The following IDO1 variants were observed in gnomAD, a reference collection of about 807,000 sequenced individuals.
IDO1 encodes indoleamine 2,3-dioxygenase 1.
A neutral mutation model predicts 38.8 loss-of-function variants in IDO1; 35 were observed. The observed-to-expected ratio is 0.90, with a 90% CI of 0.69 to 1.20. The LOEUF is 1.20. Ranked by LOEUF, IDO1 falls within the 50% of genes most tolerant of loss-of-function variation. The pLI is 0.00. For missense variants in IDO1, 509 were observed against 485.1 expected (o/e 1.05, Z -0.46); for synonymous variants, 171 against 170.0 (o/e 1.01, Z -0.05).
At position 39,918,102 on chromosome 8, in the gene IDO1, C is replaced by T; in HGVS notation, c.198C>T (p.Ser66=). ...RERVEKLNML[S]IDHLTDHKSQ... ...TTTGTTTTCAGTTAAACATGCTCAGCATTGATCATCTCACAGACCACAAGT... is the reference window on the plus strand; with the variant it reads ...TTTGTTTTCAGTTAAACATGCTCAGTATTGATCATCTCACAGACCACAAGT... Residue 66 remains serine (S), a synonymous_variant, in exon 3 of 10, where the codon AGC becomes AGT. Transcript: ENST00000518237. 4.3e-6 allele frequency: 7 copies of T among 1,613,974 alleles called. No homozygotes were observed. Among genetic ancestry groups the T allele is most frequent in the Non-Finnish European group, 5.9e-6 (7 of 1,179,872 alleles).
intron 9 of IDO1, among the ~76,000 whole-genome samples, chr8:39,925,870 C>T (rs1284398919): frequency 6.6e-6 from 1 of 151,372 alleles, no homozygotes; most frequent in East Asian, 1.9e-4. Flanking sequence ...GGCAAAAGAG[C>T]AAAACTCCAT....
chr8:39,922,300 C>A (rs1807285338), intron 5 of IDO1, among the ~76,000 whole-genome samples: 1 of 152,180 alleles, frequency 6.6e-6, no homozygotes, highest in Non-Finnish European at 1.5e-5. Flanking sequence ...AACTACCATG[C>A]CCGGCCCTAG....
intron 4 of IDO1, 90 bp downstream of exon 4, chr8:39,919,023 G>T (rs4613984): frequency 2.4e-6 from 2 of 832,384 alleles, no homozygotes; most frequent in South Asian, 2.7e-5. Flanking sequence ...TTTGGGCAGC[G>T]CAGCTTTCCT....
intron 8 of IDO1, 144 bp downstream of exon 8, chr8:39,924,916 C>T: frequency 1.4e-6 from 1 of 717,044 alleles, no homozygotes; most frequent in Non-Finnish European, 2.5e-6. Flanking sequence ...CTAGACTGTT[C>T]TGTTATCACT....
At chr8:39,916,568 A>G (rs1441449953) in intron 1 of IDO1, among the ~76,000 whole-genome samples, 1 of 152,214 alleles carries the variant, frequency 6.6e-6, no homozygotes, top group Non-Finnish European at 1.5e-5. Context: ...ATTATTGGTT[A>G]CTTTTATTTC....
At chr8:39,919,317 TA>T (rs1807232809) in intron 4 of IDO1, among the ~76,000 whole-genome samples, 1 of 152,168 alleles carries the variant, frequency 6.6e-6, no homozygotes, top group Admixed American at 6.5e-5. Flanking sequence ...TATCAAAAAT[TA>T]GATGATTTTT....
chr8:39,927,296 C>T (rs1762738915), intron 9 of IDO1, among the ~76,000 whole-genome samples: 1 of 152,304 alleles, frequency 6.6e-6, no homozygotes, highest in African/African-American at 2.4e-5. Context: ...CGCGGTGGCT[C>T]ATGCCTGTAA....
rs891764383 is a variant in IDO1, at chr8:39,917,808, C to T, written c.88-67C>T. ...AGAATGGATGTGAAGGCAAGGCATA[C>T]TATCAGTGGGAAGCCAAATCTACAA... On this transcript the variant is annotated intron_variant, in intron 1 of 9. Coordinates refer to ENST00000518237, the MANE Select transcript of IDO1 (RefSeq NM_002164.6). 26 of 1,005,088 alleles carry T rather than the reference C, an allele frequency of 2.6e-5. No homozygotes were observed. The Admixed American group carries it at 2.7e-4, about 11-fold the overall frequency. The allele number at this position is 1,005,088 out of a possible 1,614,324, so 62.3% of individuals were successfully genotyped here.
chr8:39,920,028 C>T, intron 4 of IDO1, 72 bp from the exon 5 acceptor site: 8 of 1,284,962 alleles, frequency 6.2e-6, no homozygotes, highest in Non-Finnish European at 9.1e-6. Flanking sequence ...AACAACTCAT[C>T]ATTATTTGAT....
chr8:39,914,091 T>A, intron 1 of IDO1, 82 bp downstream of exon 1: 5 of 948,686 alleles, frequency 5.3e-6, no homozygotes, highest in Non-Finnish European at 8.3e-6. Context: ...ACTGAACAAC[T>A]GTGGTTCAGT....
intron 5 of IDO1, among the ~76,000 whole-genome samples, chr8:39,922,087 G>A (rs957006149): frequency 7.9e-5 from 12 of 152,018 alleles, no homozygotes; most frequent in Non-Finnish European, 8.8e-5. Flanking sequence ...TGCAACCTCC[G>A]CCTCCTGTGT....
rs1158379097 is a variant in IDO1 at position 39,923,515 on chromosome 8, C to G, written c.584C>G (p.Thr195Ser). 1 of 1,613,122 alleles carries G rather than the reference C, an allele frequency of 6.2e-7. No homozygotes were observed. Among genetic ancestry groups the G allele is most frequent in the East Asian group, 2.2e-5 (1 of 44,842 alleles). Residue 195 changes from threonine (T) to serine (S), a missense_variant, in exon 7 of 10, where the codon ACT becomes AGT. By Grantham distance (58) the Thr-to-Ser change is moderately conservative. Transcript: ENST00000518237. ...GCAATGCAAATGCAAGAACGGGACACTTTGCTAAAGGCGCTGTTGGAAATA... is the reference window on the plus strand; with the variant it reads ...GCAATGCAAATGCAAGAACGGGACAGTTTGCTAAAGGCGCTGTTGGAAATA... ...FKAMQMQERD[T>S]LLKALLEIAS...
At chr8:39,927,501 G>A (rs1168085796) in intron 9 of IDO1, among the ~76,000 whole-genome samples, 4 of 151,220 alleles carry the variant, frequency 2.6e-5, no homozygotes, top group Admixed American at 6.6e-5. Context: ...CACAGGTTGC[G>A]GCGAGCCGAG....
intron 9 of IDO1, among the ~76,000 whole-genome samples, chr8:39,927,017 T>C (rs890881767): frequency 2.0e-5 from 3 of 152,336 alleles, no homozygotes; most frequent in Middle Eastern, 3.4e-3. Flanking sequence ...TCCATGTTGC[T>C]GTGAAGCGCT....
chr8:39,925,139 A>G, intron 8 of IDO1, 84 bp from the exon 9 acceptor site: 1 of 1,269,838 alleles, frequency 7.9e-7, no homozygotes, highest in Non-Finnish European at 1.1e-6. Context: ...CCTTCTGTTC[A>G]GCACTAGTGC....
chr8:39,916,095 G>C (rs1042838258), intron 1 of IDO1, among the ~76,000 whole-genome samples: 2 of 152,170 alleles, frequency 1.3e-5, no homozygotes, highest in Non-Finnish European at 2.9e-5. Context: ...GAACCTGGGA[G>C]TCGGAGGTTG....
At chr8:39,914,199 G>A (rs1387258245) in intron 1 of IDO1, 190 bp downstream of exon 1, 3 of 529,588 alleles carry the variant, frequency 5.7e-6, no homozygotes, top group Non-Finnish European at 6.8e-6. Context: ...CCTAGAAATG[G>A]AGTCATCTAT....
At chr8:39,921,771 A>C (rs184800131) in intron 5 of IDO1, among the ~76,000 whole-genome samples, 3 of 152,332 alleles carry the variant, frequency 2.0e-5, no homozygotes, top group Non-Finnish European at 4.4e-5. Context: ...AACAGGGTCT[A>C]ATCAGTTATT....
At chr8:39,926,597 G>A (rs950896970) in intron 9 of IDO1, among the ~76,000 whole-genome samples, 2 of 152,174 alleles carry the variant, frequency 1.3e-5, no homozygotes, top group African/African-American at 4.8e-5. Context: ...TTAAACTTCT[G>A]TTTAACAGTC....
Sources: gnomAD v4.1 joint callset for allele counts (sites outside exome capture counted in the v4.1 genomes callset) on GRCh38, gnomAD v4.1.1 for gene constraint, MANE v1.5 for transcripts, NCBI Gene and HGNC (gene_info 2026-07-23, HGNC 2026-07-21) for gene names.